The following RALYL variants were observed in gnomAD, a reference collection of about 807,000 sequenced individuals.
RALYL encodes RNA-binding Raly-like protein.
A neutral mutation model predicts 35.1 loss-of-function variants in RALYL; 29 were observed. That is an observed-to-expected ratio of 0.83 (90% CI 0.61 to 1.13). The LOEUF is 1.13. Ranked by LOEUF, RALYL falls within the 50% of genes most tolerant of loss-of-function variation. The pLI is 0.00. For missense variants in RALYL, 359 were observed against 360.4 expected (o/e 1.00, Z 0.03); for synonymous variants, 120 against 127.6 (o/e 0.94, Z 0.40).
chr8:84,883,331 C>A (rs985053529), intron 7 of RALYL, among the ~76,000 whole-genome samples: 1 of 151,872 alleles, frequency 6.6e-6, no homozygotes, highest in African/African-American at 2.4e-5. Context: ...TGTCTATGTA[C>A]TATATACTGT....
At chr8:84,589,189 C>A (rs1178963602) in intron 2 of RALYL, among the ~76,000 whole-genome samples, 2 of 152,196 alleles carry the variant, frequency 1.3e-5, no homozygotes, top group African/African-American at 4.8e-5. Flanking sequence ...TGAGCCACCA[C>A]GCCCGGACTT....
chr8:84,627,455 C>T (rs193205311), intron 2 of RALYL, among the ~76,000 whole-genome samples: 1 of 147,292 alleles, frequency 6.8e-6, no homozygotes, highest in Non-Finnish European at 1.5e-5. Flanking sequence ...GAGGTCTTAT[C>T]GAGTGGCTAG....
intron 2 of RALYL, among the ~76,000 whole-genome samples, chr8:84,735,027 G>GTT (rs1846982402): frequency 6.6e-6 from 1 of 151,404 alleles, no homozygotes; most frequent in Non-Finnish European, 1.5e-5. Flanking sequence ...GTGTGTGTGT[G>GTT]TGTGTGTGTG....
intron 1 of RALYL, among the ~76,000 whole-genome samples, chr8:84,326,712 G>A (rs1310749483): frequency 2.0e-5 from 3 of 151,958 alleles, no homozygotes; most frequent in African/African-American, 7.3e-5. Flanking sequence ...TATAACTAAG[G>A]TAAAATGCAA....
At chr8:84,279,728 A>G (rs943796765) in intron 1 of RALYL, among the ~76,000 whole-genome samples, 1 of 152,070 alleles carries the variant, frequency 6.6e-6, no homozygotes, top group African/African-American at 2.4e-5. Context: ...TTTTCCTAGT[A>G]TCACTACAAC....
At chr8:84,763,802 A>G (rs1813244932) in intron 2 of RALYL, among the ~76,000 whole-genome samples, 2 of 152,172 alleles carry the variant, frequency 1.3e-5, no homozygotes, top group African/African-American at 4.8e-5. Context: ...GTAAATACAA[A>G]CTTGTTAATT....
chr8:84,562,468 T>C (rs1228857659), intron 2 of RALYL, among the ~76,000 whole-genome samples: 3 of 151,954 alleles, frequency 2.0e-5, no homozygotes, highest in Non-Finnish European at 1.5e-5. Context: ...CAATTTAATG[T>C]TTCTACCAAT....
chr8:84,686,466 G>A (rs1184668332), intron 2 of RALYL, among the ~76,000 whole-genome samples: 5 of 152,090 alleles, frequency 3.3e-5, no homozygotes, highest in African/African-American at 1.2e-4. Flanking sequence ...GTGCAGTGGT[G>A]CAATCTCAGT....
At chr8:84,355,623 G>A (rs1851676733) in intron 1 of RALYL, among the ~76,000 whole-genome samples, 1 of 150,388 alleles carries the variant, frequency 6.6e-6, no homozygotes, top group Non-Finnish European at 1.5e-5. Flanking sequence ...TAAAGAGAAT[G>A]TGGTAGAGGG....
chr8:84,278,174 A>G lies in RALYL; in HGVS notation c.-24+93750A>G, dbSNP rs183271194. ...TCTAGGCAGAGGTTCCCAAACATCA[A>G]TTATTGACTTCTGTGCACCTGCAGG... On this transcript the variant is annotated intron_variant, in intron 1 of 8. Coordinates refer to ENST00000521268, the MANE Select transcript of RALYL (RefSeq NM_173848.7). Among the ~76,000 whole-genome samples the G allele has an allele frequency of 9.2e-5, 14 of 152,298 alleles. No homozygotes were observed. The East Asian group carries it at 9.7e-4, about 11-fold the overall frequency.
chr8:84,738,065 C>A (rs1283453680), intron 2 of RALYL, among the ~76,000 whole-genome samples: 1 of 151,958 alleles, frequency 6.6e-6, no homozygotes, highest in East Asian at 1.9e-4. Context: ...CAGGAACTTA[C>A]AACCAAATAA....
At chr8:84,856,872 C>CA (rs1358142738) in intron 5 of RALYL, among the ~76,000 whole-genome samples, 89 of 150,154 alleles carry the variant, frequency 5.9e-4, no homozygotes, top group Non-Finnish European at 1.1e-3. Context: ...ACTAAAAATA[C>CA]AAAAAATTAG....
chr8:84,241,106 T>A (rs959598763), intron 1 of RALYL, among the ~76,000 whole-genome samples: 3 of 152,136 alleles, frequency 2.0e-5, no homozygotes, highest in Non-Finnish European at 4.4e-5. Context: ...CTTACTTTGC[T>A]CACTTAAAAA....
intron 2 of RALYL, among the ~76,000 whole-genome samples, chr8:84,574,719 A>G (rs1487834773): frequency 6.6e-6 from 1 of 152,012 alleles, no homozygotes; most frequent in Non-Finnish European, 1.5e-5. Flanking sequence ...TATGTAGACA[A>G]TGTATGTAGT....
intron 7 of RALYL, among the ~76,000 whole-genome samples, chr8:84,877,812 T>C (rs1841455398): frequency 6.6e-6 from 1 of 152,194 alleles, no homozygotes; most frequent in Non-Finnish European, 1.5e-5. Flanking sequence ...GCTCCAGATA[T>C]GATCTGACTG....
chr8:84,546,950 C>T (rs923197242), intron 2 of RALYL, among the ~76,000 whole-genome samples: 2 of 134,958 alleles, frequency 1.5e-5, no homozygotes, highest in Non-Finnish European at 3.3e-5. Context: ...CATCTTAGTT[C>T]TAATTTTAAT....
At chr8:84,839,960 C>T (rs1250532000) in intron 4 of RALYL, among the ~76,000 whole-genome samples, 2 of 152,114 alleles carry the variant, frequency 1.3e-5, no homozygotes, top group Admixed American at 1.3e-4. Flanking sequence ...CACCAAAACC[C>T]CATCTGTACG....
intron 4 of RALYL, among the ~76,000 whole-genome samples, chr8:84,845,826 G>A (rs559996511): frequency 8.3e-4 from 127 of 152,214 alleles, no homozygotes; most frequent in Non-Finnish European, 1.6e-3. Flanking sequence ...TTTGTATATG[G>A]TGAAAGGTTG....
chr8:84,916,178 A>C (rs1848439594), intron 8 of RALYL, among the ~76,000 whole-genome samples: 1 of 152,130 alleles, frequency 6.6e-6, no homozygotes, highest in African/African-American at 2.4e-5. Flanking sequence ...ATCCACAGAA[A>C]CTTTTCCTAT....
Sources: gnomAD v4.1 joint callset for allele counts (sites outside exome capture counted in the v4.1 genomes callset) on GRCh38, gnomAD v4.1.1 for gene constraint, MANE v1.5 for transcripts, NCBI Gene and HGNC (gene_info 2026-07-23, HGNC 2026-07-21) for gene names.